Variants in MYO9A observed in about 807,000 individuals in gnomAD.
The protein encoded by MYO9A is myosin IXA, also known as unconventional myosin-IXa.
MYO9A carries 103 observed loss-of-function variants against 293.3 expected under a neutral mutation model. That is an observed-to-expected ratio of 0.35 (90% CI 0.30 to 0.41). The LOEUF (loss-of-function observed/expected upper bound fraction) is 0.41, where lower values mean the gene tolerates loss of function less well. MYO9A is among the 10% of genes least tolerant of loss of function. MYO9A has a pLI of 1.00. For missense variants in MYO9A, 2,685 were observed against 3,033.0 expected, an observed-to-expected ratio of 0.89 and a Z score of 2.69; for synonymous variants, 1,001 against 1,035.7, an observed-to-expected ratio of 0.97 and a Z score of 0.64.
intron 1 of MYO9A, among the ~76,000 whole-genome samples, chr15:72,065,383 C>T (rs2078988697): frequency 1.3e-5 from 2 of 151,718 alleles, no homozygotes; most frequent in African/African-American, 4.8e-5. Flanking sequence ...GGAGTGGTGG[C>T]GCATACCTGT....
intron 33 of MYO9A, among the ~76,000 whole-genome samples, chr15:71,862,016 A>C (rs915032224): frequency 6.6e-6 from 1 of 152,186 alleles, no homozygotes; most frequent in African/African-American, 2.4e-5. Flanking sequence ...CTGTAATCCC[A>C]GCTACTCGGG....
intron 34 of MYO9A, among the ~76,000 whole-genome samples, chr15:71,854,961 GTTC>G (rs2055806051): frequency 1.3e-5 from 2 of 152,290 alleles, no homozygotes; most frequent in Admixed American, 1.3e-4. Context: ...TTGTCAGCAA[GTTC>G]TTAAGCATAA....
rs752220806 is a variant in MYO9A at position 71,935,327 on chromosome 15, T to C, written c.2522+14A>G. On this transcript the variant is annotated intron_variant, in intron 17 of 41. Transcript: ENST00000356056. ...AAAAACAAAAAACAATTTACATTAC[T>C]GATTAGTACTGACGTGAGAATTCCA... The C allele has an allele frequency of 6.4e-7, 1 of 1,561,168 alleles. No individual in the cohort carries two copies. The highest frequency in any genetic ancestry group is 8.7e-7 in the Non-Finnish European group (1 of 1,153,100).
intron 39 of MYO9A, among the ~76,000 whole-genome samples, chr15:71,845,855 A>G (rs370065821): frequency 3.4e-4 from 52 of 152,336 alleles, no homozygotes; most frequent in African/African-American, 1.2e-3. Context: ...TATTAGTGCA[A>G]TTCTTTGAAT....
intron 1 of MYO9A, among the ~76,000 whole-genome samples, chr15:72,082,741 G>A (rs766994945): frequency 1.3e-5 from 2 of 151,720 alleles, no homozygotes; most frequent in Non-Finnish European, 2.9e-5. Flanking sequence ...AACACGAAAG[G>A]CTGTTGAATT....
chr15:71,908,295 T>C (rs906510144), intron 19 of MYO9A, among the ~76,000 whole-genome samples: 2 of 152,194 alleles, frequency 1.3e-5, no homozygotes, highest in Non-Finnish European at 2.9e-5. Context: ...TTCTGTTCCA[T>C]TGATCTATAT....
chr15:71,861,775 T>C (rs1274307319), intron 33 of MYO9A, among the ~76,000 whole-genome samples: 1 of 151,296 alleles, frequency 6.6e-6, no homozygotes. Flanking sequence ...AAATACTTAA[T>C]GTAATTTTGG....
intron 40 of MYO9A, among the ~76,000 whole-genome samples, chr15:71,829,234 C>T (rs1211762467): frequency 6.6e-6 from 1 of 152,122 alleles, no homozygotes; most frequent in Non-Finnish European, 1.5e-5. Flanking sequence ...TTTTTTACAG[C>T]TGAGCCCCAG....
In MYO9A at chr15:71,880,280, C is replaced by T. The variant is rs1219406736; in HGVS notation, c.5622+55G>A. ...TCTAGAGAGTATATCCTGATATACA[C>T]AAGTATTCCATACACAGAGCTGCTC... On this transcript the variant is annotated intron_variant, in intron 29 of 41. Coordinates refer to ENST00000356056, the MANE Select transcript of MYO9A (RefSeq NM_006901.4). The T allele has an allele frequency of 4.9e-6, 7 of 1,430,608 alleles. No individual in the cohort carries two copies. In the East Asian group the frequency reaches 1.4e-4, roughly 28 times the overall value. 88.6% of individuals were successfully genotyped at this position (1,430,608 alleles called of 1,614,324 possible).
chr15:72,100,748 G>A (rs1295796404), intron 1 of MYO9A, among the ~76,000 whole-genome samples: 1 of 150,914 alleles, frequency 6.6e-6, no homozygotes, highest in African/African-American at 2.4e-5. Context: ...GAGAAGTGAG[G>A]AGACCCTCCA....
intron 25 of MYO9A, among the ~76,000 whole-genome samples, chr15:71,895,284 T>C (rs911225551): frequency 1.3e-5 from 2 of 152,224 alleles, no homozygotes; most frequent in Admixed American, 6.5e-5. Flanking sequence ...TAATAGGATC[T>C]TGATAGTACT....
intron 13 of MYO9A, among the ~76,000 whole-genome samples, chr15:71,962,482 G>A (rs1277259191): frequency 6.6e-6 from 1 of 152,076 alleles, no homozygotes; most frequent in Non-Finnish European, 1.5e-5. Flanking sequence ...TACCCTTAGA[G>A]CAAACGTATG....
chr15:71,879,485 G>A (rs1216308821), intron 30 of MYO9A, among the ~76,000 whole-genome samples: 1 of 152,128 alleles, frequency 6.6e-6, no homozygotes, highest in Non-Finnish European at 1.5e-5. Flanking sequence ...AAAAACAGCT[G>A]TAAGGTGGGA....
chr15:71,862,258 T>A (rs1440415644), intron 33 of MYO9A, among the ~76,000 whole-genome samples: 1 of 152,202 alleles, frequency 6.6e-6, no homozygotes, highest in Non-Finnish European at 1.5e-5. Flanking sequence ...TAAGTCATAC[T>A]AAAATCTGGG....
intron 15 of MYO9A, chr15:71,950,312 T>C (rs1332109151): frequency 1.3e-5 from 2 of 152,244 alleles, no homozygotes; most frequent in African/African-American, 2.4e-5. Flanking sequence ...AATTTCTTCA[T>C]GCAGCCTATG....
chr15:72,083,777 G>A (rs1265007698), intron 1 of MYO9A, among the ~76,000 whole-genome samples: 1 of 152,146 alleles, frequency 6.6e-6, no homozygotes, highest in African/African-American at 2.4e-5. Flanking sequence ...GTCAGAAGAA[G>A]GTTGTTTAAT....
chr15:71,995,123 G>C (rs533286869), intron 9 of MYO9A, among the ~76,000 whole-genome samples: 2 of 152,260 alleles, frequency 1.3e-5, no homozygotes, highest in East Asian at 3.9e-4. Context: ...ACAAAATGTA[G>C]GTCACTCAGT....
intron 2 of MYO9A, among the ~76,000 whole-genome samples, chr15:72,035,267 C>T (rs1179335648): frequency 2.6e-5 from 4 of 152,160 alleles, no homozygotes; most frequent in Admixed American, 1.3e-4. Context: ...AGCGATACCC[C>T]TCCTGGCTAT....
At chr15:71,835,469 T>C (rs989328396) in intron 39 of MYO9A, among the ~76,000 whole-genome samples, 1 of 152,104 alleles carries the variant, frequency 6.6e-6, no homozygotes, top group Non-Finnish European at 1.5e-5. Context: ...AATACCAAAA[T>C]CAATTGTATT....
Sources: allele counts gnomAD v4.1 joint callset (sites outside exome capture counted in the v4.1 genomes callset), GRCh38; gene constraint gnomAD v4.1.1; transcripts MANE v1.5; gene names NCBI Gene and HGNC (gene_info 2026-07-23, HGNC 2026-07-21).